The following PDE4A variants were observed in gnomAD, a reference collection of about 807,000 sequenced individuals.
PDE4A encodes the protein phosphodiesterase 4A, also known as 3',5'-cyclic-AMP phosphodiesterase 4A.
Under a neutral mutation model 73.9 loss-of-function variants are expected in PDE4A, and 21 were observed. The observed-to-expected ratio is 0.28, with a 90% CI of 0.20 to 0.41. The LOEUF is 0.41. Ranked by LOEUF, PDE4A falls within the 10% of genes least tolerant of loss-of-function variation. PDE4A has a pLI of 1.00. For missense variants in PDE4A, 958 were observed against 1,211.4 expected (o/e 0.79, Z 3.10); for synonymous variants, 463 against 505.4 (o/e 0.92, Z 1.13).
Position 10,453,451 on chromosome 19 carries a change from G to A in PDE4A, c.784-1378G>A. ...GATGAAGCCTTGTGACTGTCTCTGT[G>A]TGTGGCCCAGGGCTGGGCGTGGATG... On this transcript the variant is annotated intron_variant, in intron 6 of 14. Coordinates refer to ENST00000380702, the MANE Select transcript of PDE4A (RefSeq NM_001111307.2). This position sits in a 1 kb window ranked among gnomAD's most constrained non-coding sequence, Gnocchi z 4.6. 1 of 1,249,990 alleles carries A rather than the reference G, an allele frequency of 8.0e-7. No individual in the cohort carries two copies. Among genetic ancestry groups the A allele is most frequent in the Non-Finnish European group, 1.1e-6 (1 of 925,634 alleles). 77.4% of individuals were successfully genotyped at this position (1,249,990 alleles called of 1,614,324 possible).
intron 1 of PDE4A, among the ~76,000 whole-genome samples, chr19:10,434,160 CCTTCCTTCCTTT>C (rs1056442086): frequency 6.8e-6 from 1 of 146,946 alleles, no homozygotes; most frequent in Non-Finnish European, 1.5e-5. Context: ...TTTCTTCCTT[CCTTCCTTCCTTT>C]CTTTCTTCCT....
Position 10,458,129 on chromosome 19 carries a change from G to C in PDE4A, c.1101+27G>C, listed in dbSNP as rs1186831383. On this transcript the variant is annotated intron_variant, in intron 8 of 14. Transcript: ENST00000380702. The surrounding 1 kb of genome is among the most constrained non-coding windows in gnomAD (Gnocchi z 4.6). ...TGGGTGGGGGCTCAGTAGGGGCAGG[G>C]CTGGAGGGGGTGGTCTCCTGGGACC... is the stretch of plus-strand genomic sequence containing the variant. 1.2e-6 allele frequency: 2 copies of C among 1,608,164 alleles called. No individual in the cohort carries two copies. Among genetic ancestry groups the C allele is most frequent in the Admixed American group, 1.7e-5 (1 of 59,894 alleles).
At position 10,451,907 on chromosome 19, in the gene PDE4A, G is replaced by A. The variant is rs182202367; in HGVS notation, c.783+966G>A. On this transcript the variant is annotated intron_variant, in intron 6 of 14. Transcript: ENST00000380702. ...TTGGGGGGTGCTTACAGCAGTGGGT[G>A]GAGGCTTGTATAGGAACATAGCAGT... Among the ~76,000 whole-genome samples, 4 of 152,106 alleles carry A rather than the reference G, an allele frequency of 2.6e-5. No individual in the cohort carries two copies. In the East Asian group the frequency reaches 7.7e-4, roughly 29 times the overall value.
intron 4 of PDE4A, 129 bp downstream of exon 4, chr19:10,449,279 C>A: frequency 1.1e-6 from 1 of 932,462 alleles, no homozygotes; most frequent in Non-Finnish European, 1.7e-6. Flanking sequence ...ACAACAGCTC[C>A]CAGAAAGCCA....
At chr19:10,441,183 C>G (rs1308825474) in intron 1 of PDE4A, among the ~76,000 whole-genome samples, 2 of 152,146 alleles carry the variant, frequency 1.3e-5, no homozygotes, top group East Asian at 3.9e-4. Context: ...TGCAGGCACA[C>G]ACTGCCATGC....
At chr19:10,418,717 C>T (rs138191860), upstream of PDE4A, 171 of 981,830 alleles carry the variant, frequency 1.7e-4, 1 homozygote, top group African/African-American at 2.0e-3. Context: ...TTCTGCAACC[C>T]CAGCTGTGTC....
At chr19:10,430,834 G>T in intron 1 of PDE4A, 1 of 1,136,854 alleles carries the variant, frequency 8.8e-7, no homozygotes. Context: ...AGGCGGGGCC[G>T]CCCCGCGGCC....
At chr19:10,456,649 C>T (rs143756038) in intron 7 of PDE4A, among the ~76,000 whole-genome samples, 2,198 of 151,098 alleles carry the variant, frequency 0.015, 24 homozygotes, top group Non-Finnish European at 0.023. Context: ...CCCAGGAGTT[C>T]GAGGCTGCAG....
At chr19:10,454,957 G>C in intron 7 of PDE4A, 35 bp downstream of exon 7, 1 of 1,608,100 alleles carries the variant, frequency 6.2e-7, no homozygotes, top group East Asian at 2.2e-5. Context: ...TTGGAGGGGG[G>C]ACATTTGGGG....
At chr19:10,440,952 G>A (rs1424265054) in intron 1 of PDE4A, among the ~76,000 whole-genome samples, 1 of 148,378 alleles carries the variant, frequency 6.7e-6, no homozygotes, top group African/African-American at 2.5e-5. Flanking sequence ...TGCCCTGGCT[G>A]GTTTCAAACT....
intron 1 of PDE4A, among the ~76,000 whole-genome samples, chr19:10,436,634 G>T (rs1457145262): frequency 6.6e-6 from 1 of 152,222 alleles, no homozygotes; most frequent in Non-Finnish European, 1.5e-5. Context: ...TGTGTATAAA[G>T]CACTTTCATA....
rs1284855051 is a variant in PDE4A, at chr19:10,427,603, G to C, written c.320+6519G>C. On this transcript the variant is annotated intron_variant, in intron 1 of 14. Transcript: ENST00000380702. ...GGCTGGAAGGAAACTCATCCATAAA[G>C]GGCTTGTGTAGCCTCATGGCTAAAA... is the stretch of plus-strand genomic sequence containing the variant. 4 of 985,296 alleles carry C rather than the reference G, an allele frequency of 4.1e-6. No individual in the cohort carries two copies. In the African/African-American group the frequency reaches 7.0e-5, roughly 17 times the overall value. The allele number at this position is 985,296 out of a possible 1,614,324, so 61.0% of individuals were successfully genotyped here.
chr19:10,432,390 C>G (rs887031562), intron 1 of PDE4A: 3 of 1,352,686 alleles, frequency 2.2e-6, no homozygotes, highest in Admixed American at 4.2e-5. Context: ...CCACACCGCC[C>G]TGCCGCCGTC....
intron 1 of PDE4A, among the ~76,000 whole-genome samples, chr19:10,425,143 G>T (rs2042700943): frequency 6.6e-6 from 1 of 151,852 alleles, no homozygotes; most frequent in Non-Finnish European, 1.5e-5. Context: ...AGAATCGCTT[G>T]AACCCGGGAG....
At chr19:10,436,384 C>T (rs2042865063) in intron 1 of PDE4A, among the ~76,000 whole-genome samples, 1 of 151,842 alleles carries the variant, frequency 6.6e-6, no homozygotes, top group Non-Finnish European at 1.5e-5. Flanking sequence ...GGAGAAACCC[C>T]GTCTCTACTA....
intron 1 of PDE4A, chr19:10,431,050 G>T (rs2042782226): frequency 6.3e-7 from 1 of 1,576,014 alleles, no homozygotes. Flanking sequence ...CTCCGCAGCT[G>T]CCAGGATTTG....
chr19:10,456,457 T>C (rs1369524378), intron 7 of PDE4A, among the ~76,000 whole-genome samples: 1 of 151,730 alleles, frequency 6.6e-6, no homozygotes, highest in Non-Finnish European at 1.5e-5. Context: ...ACCTGGGAGA[T>C]GGAGGTTGCA....
chr19:10,428,668 A>G lies in PDE4A; in HGVS notation c.320+7584A>G, dbSNP rs79406755. The stretch of plus-strand genomic sequence containing the variant: ...TGGGGTGAGTGGTAGTATTATACCC[A>G]TTTTACAACTGGGGAAACTGAGGCT... On this transcript the variant is annotated intron_variant, in intron 1 of 14. Coordinates refer to ENST00000380702, the MANE Select transcript of PDE4A (RefSeq NM_001111307.2). 1.9e-3 allele frequency: 1,122 copies of G among 593,028 alleles called. 13 individuals are homozygous for G. The East Asian group carries it at 0.03, about 16-fold the overall frequency. The allele number at this position is 593,028 out of a possible 1,614,324, so 36.7% of individuals were successfully genotyped here.
intron 1 of PDE4A, chr19:10,427,534 C>A: frequency 1.0e-6 from 1 of 985,372 alleles, no homozygotes; most frequent in South Asian, 4.7e-5. Flanking sequence ...TGGCTTTAGG[C>A]CTCAGTTTAC....
Sources: allele counts gnomAD v4.1 joint callset (sites outside exome capture counted in the v4.1 genomes callset), GRCh38; gene constraint gnomAD v4.1.1; non-coding constraint Gnocchi (gnomAD v3.1); transcripts MANE v1.5; gene names NCBI Gene and HGNC (gene_info 2026-07-23, HGNC 2026-07-21).